UNC80: variants seen among roughly 807,000 people sequenced by gnomAD.
UNC80 encodes protein unc-80 homolog.
UNC80 carries 164 observed loss-of-function variants against 384.6 expected under a neutral mutation model. The ratio of observed to expected loss-of-function variants is 0.43; its 90% CI spans 0.38 to 0.49. The LOEUF (loss-of-function observed/expected upper bound fraction) is 0.49. Among genes scored for constraint, UNC80 ranks in the 20% least tolerant of loss-of-function variants. UNC80 has a pLI of 0.00. For missense variants in UNC80, 3,330 were observed against 4,143.0 expected, an observed-to-expected ratio of 0.80 and a Z score of 5.39; for synonymous variants, 1,486 against 1,527.8, an observed-to-expected ratio of 0.97 and a Z score of 0.64.
At chr2:209,774,407 T>C (rs1452001463) in intron 2 of UNC80, among the ~76,000 whole-genome samples, 2 of 152,226 alleles carry the variant, frequency 1.3e-5, no homozygotes, top group African/African-American at 4.8e-5. Context: ...TTCTCTGTTC[T>C]TGGCGAAGAT....
chr2:209,981,916 A>G (rs1433096018), intron 59 of UNC80, among the ~76,000 whole-genome samples: 3 of 152,242 alleles, frequency 2.0e-5, no homozygotes, highest in Non-Finnish European at 4.4e-5. Context: ...ACTTTCACAA[A>G]TAATCTACTT....
chr2:209,966,090 A>G (rs1235852131), intron 51 of UNC80, among the ~76,000 whole-genome samples: 1 of 152,164 alleles, frequency 6.6e-6, no homozygotes, highest in Non-Finnish European at 1.5e-5. Flanking sequence ...ACCCTCGTCC[A>G]TCAGGAATCC....
At chr2:209,886,043 G>A (rs1369725008) in intron 25 of UNC80, among the ~76,000 whole-genome samples, 2 of 152,044 alleles carry the variant, frequency 1.3e-5, no homozygotes, top group South Asian at 2.1e-4. Flanking sequence ...GATTACAGGT[G>A]TGAGCCACTG....
rs1252060162 is a variant in UNC80 at position 209,771,903 on chromosome 2, G to T, written c.-170G>T. The T allele has an allele frequency of 4.9e-6, 3 of 612,908 alleles. No individual in the cohort carries two copies. Among genetic ancestry groups the T allele is most frequent in the Non-Finnish European group, 9.2e-6 (3 of 327,808 alleles). The allele number at this position is 612,908 out of a possible 1,614,324, so 38.0% of individuals were successfully genotyped here. On this transcript the variant is annotated 5_prime_UTR_variant, in exon 1 of 65. Coordinates refer to ENST00000673920, the MANE Select transcript of UNC80 (RefSeq NM_001371986.1). ...CTCCTCCCGCAGCCATGTTCCACGC[G>T]CGGGGAGGGGTGGGGGGAGGGGAGA...
chr2:209,959,217 G>T, intron 50 of UNC80, 63 bp downstream of exon 50: 1 of 1,504,436 alleles, frequency 6.6e-7, no homozygotes, highest in Non-Finnish European at 9.1e-7. Context: ...TGCCTTTTAA[G>T]CTGGTTTATG....
chr2:209,844,450 CT>C (rs36167891), intron 21 of UNC80, among the ~76,000 whole-genome samples: 8,320 of 83,332 alleles, frequency 0.1, 729 homozygotes, highest in South Asian at 0.24. Context: ...TTGCTCTTTT[CT>C]TTTCTTTCTT....
At chr2:209,848,331 G>A (rs894380344) in intron 21 of UNC80, among the ~76,000 whole-genome samples, 2 of 152,014 alleles carry the variant, frequency 1.3e-5, no homozygotes, top group Non-Finnish European at 2.9e-5. Context: ...AACACTGAAG[G>A]TATTGAATTT....
Position 209,959,126 on chromosome 2 carries a change from G to C in UNC80, c.7558G>C (p.Glu2520Gln). 1 of 1,552,082 alleles carries C rather than the reference G, an allele frequency of 6.4e-7. No individual in the cohort carries two copies. Residue 2520 changes from glutamate (E) to glutamine (Q), a missense_variant, in exon 50 of 65, where the codon GAA becomes CAA. Coordinates refer to ENST00000673920, the MANE Select transcript of UNC80 (RefSeq NM_001371986.1). ...TGTTTTTCTGACTCCCAGGTACCAG[G>C]AACAAGGAGCCAAACTGCACTTTAT... Reference protein sequence around the residue: ...MSSGVNTRYQEQGAKLHFIRE... With the variant: ...MSSGVNTRYQQQGAKLHFIRE...
chr2:209,856,982 G>A (rs995839232), intron 22 of UNC80, among the ~76,000 whole-genome samples: 2 of 151,908 alleles, frequency 1.3e-5, no homozygotes, highest in Non-Finnish European at 2.9e-5. Context: ...TAGAGAAGGG[G>A]TTTCACCATA....
chr2:209,918,802 A>G (rs2089780751), intron 33 of UNC80, 139 bp downstream of exon 33: 3 of 1,045,612 alleles, frequency 2.9e-6, no homozygotes, highest in Non-Finnish European at 2.6e-6. Context: ...GTCCTTGTGA[A>G]TATAATAGAG....
rs1241133260 is a variant in UNC80 at position 209,996,339 on chromosome 2, A to G, written c.*744A>G. ...AAATAATTCTGAATTAAGAACCTAAACAGCCTATACAATTATAAAAACTAA... is the reference window on the plus strand; with the variant it reads ...AAATAATTCTGAATTAAGAACCTAAGCAGCCTATACAATTATAAAAACTAA... On this transcript the variant is annotated 3_prime_UTR_variant, in exon 65 of 65. Transcript: ENST00000673920. 2 of 152,222 alleles carry G rather than the reference A, an allele frequency of 1.3e-5. No homozygotes were observed. Among genetic ancestry groups the G allele is most frequent in the Non-Finnish European group, 2.9e-5 (2 of 68,020 alleles). 9.4% of individuals were successfully genotyped at this position (152,222 alleles called of 1,614,324 possible). A position where few individuals can be genotyped will look rare whatever the true frequency, so the allele number is the denominator to read the frequency against.
chr2:209,955,384 C>T (rs1360346560), intron 48 of UNC80, among the ~76,000 whole-genome samples: 1 of 151,860 alleles, frequency 6.6e-6, no homozygotes, highest in African/African-American at 2.4e-5. Context: ...AGCTACATTG[C>T]CAAACTAGGC....
chr2:209,822,907 G>C (rs1574602909), intron 13 of UNC80, among the ~76,000 whole-genome samples: 1 of 152,114 alleles, frequency 6.6e-6, no homozygotes, highest in South Asian at 2.1e-4. Flanking sequence ...CACCAAGATA[G>C]ATATGTTTTA....
intron 20 of UNC80, 105 bp downstream of exon 20, chr2:209,840,753 G>A: frequency 1.1e-6 from 1 of 896,018 alleles, no homozygotes; most frequent in Non-Finnish European, 1.7e-6. Context: ...AGGAAAAGCT[G>A]AAGAAACTCT....
intron 48 of UNC80, 133 bp downstream of exon 48, chr2:209,954,403 C>T (rs1244000667): frequency 2.5e-6 from 2 of 808,038 alleles, no homozygotes; most frequent in Non-Finnish European, 3.6e-6. Context: ...TAAACTCAGC[C>T]CTTTATGCCT....
At chr2:209,977,392 TAA>T (rs2093039755) in intron 58 of UNC80, among the ~76,000 whole-genome samples, 1 of 152,232 alleles carries the variant, frequency 6.6e-6, no homozygotes, top group Non-Finnish European at 1.5e-5. Flanking sequence ...AAAAATGGTT[TAA>T]ATCATTACCT....
At chr2:209,844,145 C>T (rs754746180) in intron 21 of UNC80, among the ~76,000 whole-genome samples, 6 of 152,072 alleles carry the variant, frequency 3.9e-5, no homozygotes, top group Non-Finnish European at 5.9e-5. Context: ...ATATGTCTCA[C>T]GGTCAGACGT....
At position 209,872,797 on chromosome 2, in the gene UNC80, T is replaced by C; in HGVS notation, c.3667T>C (p.Cys1223Arg). 1 of 1,551,520 alleles carries C rather than the reference T, an allele frequency of 6.4e-7. No homozygotes were observed. Among genetic ancestry groups the C allele is most frequent in the Non-Finnish European group, 8.7e-7 (1 of 1,146,818 alleles). ...GGCCAGAGCAGCCTTGTTCCTGGAA[T>C]GTGCTCGTTTTGTTCACCGCTGCAA... Reference protein sequence around the residue: ...VVARAALFLECARFVHRCNRG... With the variant: ...VVARAALFLERARFVHRCNRG... Residue 1223 changes from cysteine (C) to arginine (R), a missense_variant, in exon 23 of 65, where the codon TGT becomes CGT. Physicochemically the swap from Cys to Arg is radical, Grantham distance 180. Transcript: ENST00000673920. This position sits in a 1 kb window ranked among gnomAD's most constrained non-coding sequence, Gnocchi z 4.1.
At position 209,771,873 on chromosome 2, in the gene UNC80, C is replaced by G. The variant is rs1308634384; in HGVS notation, c.-200C>G. 1.7e-6 allele frequency: 1 copy of G among 579,640 alleles called. No individual in the cohort carries two copies. The highest frequency in any genetic ancestry group is 3.2e-6 in the Non-Finnish European group (1 of 312,658). The allele number at this position is 579,640 out of a possible 1,614,324, so 35.9% of individuals were successfully genotyped here. A position where few individuals can be genotyped will look rare whatever the true frequency, so the allele number is the denominator to read the frequency against. ...TCCTCGCTCCGCGGCTCCTCCAGCC[C>G]TCCCCTCCTCCCGCAGCCATGTTCC... On this transcript the variant is annotated 5_prime_UTR_variant, in exon 1 of 65. Transcript: ENST00000673920.
Sources: allele counts gnomAD v4.1 joint callset (sites outside exome capture counted in the v4.1 genomes callset), GRCh38; gene constraint gnomAD v4.1.1; non-coding constraint Gnocchi (gnomAD v3.1); transcripts MANE v1.5; gene names NCBI Gene and HGNC (gene_info 2026-07-23, HGNC 2026-07-21).